Variants in SRGAP1 observed in about 807,000 individuals in gnomAD.
SRGAP1 encodes SLIT-ROBO Rho GTPase activating protein 1.
In SRGAP1, 43 loss-of-function variants were observed where a neutral mutation model predicts 121.9. The observed-to-expected ratio is 0.35, with a 90% CI of 0.28 to 0.46. The LOEUF (loss-of-function observed/expected upper bound fraction) is 0.46, where lower values mean the gene tolerates loss of function less well. Among genes scored for constraint, SRGAP1 ranks in the 20% least tolerant of loss-of-function variants. The pLI, the probability that SRGAP1 is intolerant of heterozygous loss-of-function variation, is 1.00. For synonymous variants in SRGAP1, 447 were observed against 485.4 expected, an observed-to-expected ratio of 0.92 and a Z score of 1.04; for missense variants, 1,102 against 1,350.9, an observed-to-expected ratio of 0.82 and a Z score of 2.89.
At position 64,102,793 on chromosome 12, in the gene SRGAP1, C is replaced by T. The variant is rs567870800; in HGVS notation, c.1813+5418C>T. Among the ~76,000 whole-genome samples the T allele has an allele frequency of 3.9e-5, 6 of 152,226 alleles. No homozygotes were observed. In the East Asian group the frequency reaches 1.2e-3, roughly 29 times the overall value. On this transcript the variant is annotated intron_variant, in intron 15 of 21. Transcript: ENST00000355086. ...AAATCCATTTTGTGGGTACACACTC[C>T]TATGTACTTTTCATAAAAATTATAT...
At chr12:63,988,691 T>A (rs1161986429) in intron 2 of SRGAP1, among the ~76,000 whole-genome samples, 1 of 152,236 alleles carries the variant, frequency 6.6e-6, no homozygotes, top group African/African-American at 2.4e-5. Context: ...TACATGATCA[T>A]AAATAATAGG....
At chr12:63,932,275 T>C (rs2031504359) in intron 1 of SRGAP1, among the ~76,000 whole-genome samples, 1 of 152,184 alleles carries the variant, frequency 6.6e-6, no homozygotes, top group African/African-American at 2.4e-5. Flanking sequence ...AGCTAGACTC[T>C]GTCTCAAAAA....
chr12:64,127,673 C>G lies in SRGAP1; in HGVS notation c.2489C>G (p.Ser830Cys), dbSNP rs555330566. The G allele has an allele frequency of 3.3e-5, 53 of 1,614,028 alleles. No homozygotes were observed. The Admixed American group carries it at 6.3e-4, about 19-fold the overall frequency. ...CCAGTCACGGAAGACAAGTCCTCAT[C>G]CAAGGACATGAACTCCCCGACAGAC... is the stretch of plus-strand genomic sequence containing the variant. ...SGPVTEDKSS[S>C]KDMNSPTDRH... Residue 830 changes from serine (S) to cysteine (C), a missense_variant, in exon 20 of 22, where the codon TCC (serine) becomes TGC (cysteine). By Grantham distance (112) the Ser-to-Cys change is moderately radical (BLOSUM62 -1). Around this residue, in one of 3 missense-constraint regions of SRGAP1, gnomAD observed 315 missense variants for 343.1 expected, o/e 0.92. Coordinates refer to ENST00000355086, the MANE Select transcript of SRGAP1 (RefSeq NM_020762.4).
chr12:63,875,881 G>A (rs2136281440), intron 1 of SRGAP1, among the ~76,000 whole-genome samples: 1 of 152,314 alleles, frequency 6.6e-6, no homozygotes, highest in Non-Finnish European at 1.5e-5. Context: ...AGAATTACCA[G>A]CTGCTGTTTA....
intron 1 of SRGAP1, among the ~76,000 whole-genome samples, chr12:63,882,398 C>T (rs1036867606): frequency 3.3e-5 from 5 of 152,134 alleles, no homozygotes; most frequent in Non-Finnish European, 7.3e-5. Flanking sequence ...TCTCCTGCCT[C>T]AGCCTCCCAA....
At chr12:64,077,470 ATATT>A (rs1297758927) in intron 8 of SRGAP1, among the ~76,000 whole-genome samples, 1 of 148,842 alleles carries the variant, frequency 6.7e-6, no homozygotes, top group African/African-American at 2.4e-5. Context: ...TTATATATTA[ATATT>A]TATATATATT....
chr12:64,000,035 A>G (rs890270131), intron 3 of SRGAP1, among the ~76,000 whole-genome samples: 14 of 152,270 alleles, frequency 9.2e-5, no homozygotes, highest in Admixed American at 5.2e-4. Context: ...GGAGTGGTCA[A>G]TATGCAAAGG....
chr12:63,880,868 T>C (rs995509388), intron 1 of SRGAP1, among the ~76,000 whole-genome samples: 3 of 152,230 alleles, frequency 2.0e-5, no homozygotes, highest in Admixed American at 6.5e-5. Context: ...CTCGAAAATG[T>C]ACTGATGTGT....
chr12:63,956,292 T>G (rs1327383499), intron 1 of SRGAP1, among the ~76,000 whole-genome samples: 1 of 152,138 alleles, frequency 6.6e-6, no homozygotes. Flanking sequence ...CTGAAACTTT[T>G]GGGCTCAAGC....
intron 1 of SRGAP1, among the ~76,000 whole-genome samples, chr12:63,942,011 G>GTGTGTGCT (rs1487457817): frequency 2.6e-5 from 4 of 152,126 alleles, no homozygotes; most frequent in African/African-American, 4.8e-5. Flanking sequence ...ACAAGAGGAA[G>GTGTGTGCT]TGTGTGCTAG....
At chr12:64,110,665 A>C (rs535932478) in intron 16 of SRGAP1, among the ~76,000 whole-genome samples, 2 of 152,346 alleles carry the variant, frequency 1.3e-5, no homozygotes, top group South Asian at 4.1e-4. Flanking sequence ...AAATTAGGCC[A>C]TTCTTATTCA....
chr12:63,947,191 T>G (rs1222781871), intron 1 of SRGAP1, among the ~76,000 whole-genome samples: 1 of 152,224 alleles, frequency 6.6e-6, no homozygotes, highest in Non-Finnish European at 1.5e-5. Flanking sequence ...GGTCTATATT[T>G]AAATTTATAA....
At chr12:63,940,490 G>C (rs112771267) in intron 1 of SRGAP1, among the ~76,000 whole-genome samples, 58 of 152,106 alleles carry the variant, frequency 3.8e-4, no homozygotes, top group African/African-American at 1.3e-3. Context: ...ATGTGTTAAG[G>C]GGGTGGGGGT....
In SRGAP1 at chr12:64,160,127, A is replaced by C. The variant is rs1053974672; in HGVS notation, c.*17455A>C. 3 of 152,214 alleles carry C rather than the reference A, an allele frequency of 2.0e-5. No homozygotes were observed. The highest frequency in any genetic ancestry group is 6.5e-5 in the Admixed American group (1 of 15,278). 9.4% of individuals were successfully genotyped at this position (152,214 alleles called of 1,614,324 possible). ...CTTAAAGAGGCATTTGACCTGTTTCAGTATGGATAAGTTGTTCTCTAAGTC... is the reference window on the plus strand; with the variant it reads ...CTTAAAGAGGCATTTGACCTGTTTCCGTATGGATAAGTTGTTCTCTAAGTC... On this transcript the variant is annotated 3_prime_UTR_variant, in exon 22 of 22. Coordinates refer to ENST00000355086, the MANE Select transcript of SRGAP1 (RefSeq NM_020762.4).
chr12:63,918,209 A>G (rs946537626), intron 1 of SRGAP1, among the ~76,000 whole-genome samples: 1 of 152,164 alleles, frequency 6.6e-6, no homozygotes, highest in Non-Finnish European at 1.5e-5. Flanking sequence ...CAAGAATAAT[A>G]TTGTGCTGGA....
chr12:64,025,918 G>A (rs2034643465), intron 4 of SRGAP1, among the ~76,000 whole-genome samples: 1 of 152,204 alleles, frequency 6.6e-6, no homozygotes, highest in Admixed American at 6.5e-5. Context: ...AAGGATCTCT[G>A]AGAAGAACTG....
chr12:64,125,846 T>C, intron 18 of SRGAP1, 131 bp from the exon 19 acceptor site: 1 of 788,736 alleles, frequency 1.3e-6, no homozygotes, highest in Non-Finnish European at 1.9e-6. Flanking sequence ...TGATAATATG[T>C]TGATGACTCT....
intron 1 of SRGAP1, among the ~76,000 whole-genome samples, chr12:63,955,267 C>T (rs375480262): frequency 1.4e-4 from 21 of 152,076 alleles, no homozygotes; most frequent in African/African-American, 4.8e-4. Context: ...TGCCGTGAGC[C>T]GGGATCATGT....
At chr12:63,914,478 C>G (rs1198673653) in intron 1 of SRGAP1, among the ~76,000 whole-genome samples, 1 of 152,172 alleles carries the variant, frequency 6.6e-6, no homozygotes. Flanking sequence ...ATATCTACTA[C>G]TACAATTTAA....
Sources: allele counts gnomAD v4.1 joint callset (sites outside exome capture counted in the v4.1 genomes callset), GRCh38; gene constraint gnomAD v4.1.1; regional missense constraint gnomAD v4.1.1; transcripts MANE v1.5; gene names NCBI Gene and HGNC (gene_info 2026-07-23, HGNC 2026-07-21).